Variants in ALK observed in about 807,000 individuals in gnomAD.
ALK encodes ALK tyrosine kinase receptor.
ALK carries 74 observed loss-of-function variants against 163.1 expected under a neutral mutation model. The observed-to-expected ratio is 0.45, with a 90% CI of 0.38 to 0.55. The LOEUF is 0.55. ALK is among the 20% of genes least tolerant of loss of function. The pLI is 0.00. For missense variants in ALK, 2,063 were observed against 2,105.3 expected (o/e 0.98, Z 0.39); for synonymous variants, 960 against 843.2 (o/e 1.14, Z -2.40).
At position 29,344,508 on chromosome 2, in the gene ALK, G is replaced by A. The variant is rs148304657; in HGVS notation, c.1283-16027C>T. On this transcript the variant is annotated intron_variant, in intron 5 of 28. Coordinates refer to ENST00000389048, the MANE Select transcript of ALK (RefSeq NM_004304.5). The stretch of plus-strand genomic sequence containing the variant: ...AGAGGTCAGGTGTAGGCACTCTGGC[G>A]ATAGTCCCAGTTGAGCTCAGCCCTC... Among the ~76,000 whole-genome samples the A allele has an allele frequency of 2.7e-4, 41 of 152,278 alleles. No individual in the cohort carries two copies. The East Asian group carries it at 7.0e-3, about 26-fold the overall frequency.
intron 3 of ALK, among the ~76,000 whole-genome samples, chr2:29,617,817 T>C (rs970619795): frequency 1.4e-4 from 22 of 152,200 alleles, no homozygotes; most frequent in African/African-American, 5.3e-4. Flanking sequence ...GAATAACTTC[T>C]CTAACAGTAT....
At chr2:29,896,578 A>ACC (rs1667276048) in intron 1 of ALK, among the ~76,000 whole-genome samples, 1 of 78,582 alleles carries the variant, frequency 1.3e-5, no homozygotes, top group African/African-American at 3.5e-5. Context: ...CTCAGGAGAA[A>ACC]CCCACCTGTG....
chr2:29,193,865 C>T lies in ALK; in HGVS notation c.4222G>A (p.Glu1408Lys), dbSNP rs145600484. ...PIEYGPLVEE[E>K]EKVPVRPKDP... ...TTGGGCCTCACAGGCACTTTCTCTTCCTCTTCCACAAGTGGACCATATTCT... is the reference window on the plus strand; with the variant it reads ...TTGGGCCTCACAGGCACTTTCTCTTTCTCTTCCACAAGTGGACCATATTCT... The change falls in exon 29 of 29, where the codon GAA (glutamate) becomes AAA (lysine). Residue 1408 changes from glutamate (E) to lysine (K), a missense_variant. Coordinates refer to ENST00000389048, the MANE Select transcript of ALK (RefSeq NM_004304.5). 1.1e-5 allele frequency: 18 copies of T among 1,613,840 alleles called. No individual in the cohort carries two copies. The highest frequency in any genetic ancestry group is 1.5e-5 in the Non-Finnish European group (18 of 1,179,956).
At chr2:29,631,380 T>A (rs557434546) in intron 3 of ALK, among the ~76,000 whole-genome samples, 60 of 152,342 alleles carry the variant, frequency 3.9e-4, no homozygotes, top group East Asian at 3.9e-3. Flanking sequence ...AGGGGAATCT[T>A]GCTGACATGG....
intron 7 of ALK, among the ~76,000 whole-genome samples, chr2:29,319,484 T>A (rs1004210156): frequency 6.6e-6 from 1 of 152,142 alleles, no homozygotes; most frequent in Non-Finnish European, 1.5e-5. Context: ...CGGGTCACAA[T>A]TGTTCCCTTC....
chr2:29,827,213 T>C (rs567672343), intron 1 of ALK, among the ~76,000 whole-genome samples: 10 of 152,148 alleles, frequency 6.6e-5, no homozygotes, highest in Non-Finnish European at 1.2e-4. Flanking sequence ...CCAGAAAAAT[T>C]AGAATATCAG....
chr2:29,866,974 T>G (rs1168689878), intron 1 of ALK, among the ~76,000 whole-genome samples: 1 of 152,174 alleles, frequency 6.6e-6, no homozygotes, highest in Non-Finnish European at 1.5e-5. Flanking sequence ...AGTTTTAACC[T>G]TTTGGCTGAA....
chr2:29,318,200 A>G, intron 8 of ALK, 104 bp downstream of exon 8: 1 of 921,266 alleles, frequency 1.1e-6, no homozygotes, highest in East Asian at 2.5e-5. Flanking sequence ...TCTCCCCAGG[A>G]GAACGACCAG....
chr2:29,920,993 A>G lies in ALK; in HGVS notation c.-334T>C, dbSNP rs891464370. The G allele has an allele frequency of 5.7e-6, 2 of 352,106 alleles. No homozygotes were observed. The highest frequency in any genetic ancestry group is 1.0e-5 in the Non-Finnish European group (2 of 192,738). The allele number at this position is 352,106 out of a possible 1,614,324, so 21.8% of individuals were successfully genotyped here. On this transcript the variant is annotated 5_prime_UTR_variant, in exon 1 of 29. Coordinates refer to ENST00000389048, the MANE Select transcript of ALK (RefSeq NM_004304.5). ...CTGCGCTCGGTACAGAGGAACTACTATGGTTGAAGGGAGGTGGCAGTTGGG... is the reference window on the plus strand; with the variant it reads ...CTGCGCTCGGTACAGAGGAACTACTGTGGTTGAAGGGAGGTGGCAGTTGGG...
intron 1 of ALK, among the ~76,000 whole-genome samples, chr2:29,853,541 T>C (rs1005113235): frequency 1.3e-5 from 2 of 152,168 alleles, no homozygotes; most frequent in African/African-American, 4.8e-5. Flanking sequence ...GCTCATCTGG[T>C]CTTCTACGGC....
At chr2:29,658,374 A>G (rs1190225797) in intron 3 of ALK, among the ~76,000 whole-genome samples, 1 of 152,126 alleles carries the variant, frequency 6.6e-6, no homozygotes, top group Non-Finnish European at 1.5e-5. Flanking sequence ...CCTGCATGGA[A>G]AGCTGGGCTT....
chr2:29,869,638 A>G (rs1413679594), intron 1 of ALK, among the ~76,000 whole-genome samples: 3 of 152,188 alleles, frequency 2.0e-5, no homozygotes, highest in African/African-American at 7.2e-5. Flanking sequence ...AAATCAAATA[A>G]TGAGGAAGAA....
intron 3 of ALK, among the ~76,000 whole-genome samples, chr2:29,600,385 A>C (rs2148213922): frequency 6.6e-6 from 1 of 152,356 alleles, no homozygotes; most frequent in South Asian, 2.1e-4. Flanking sequence ...ATGGAAAAGA[A>C]TAGGTGATTA....
chr2:29,541,505 GGTCTTGAACTCCTGACCT>G, intron 3 of ALK, among the ~76,000 whole-genome samples: 1 of 152,120 alleles, frequency 6.6e-6, no homozygotes, highest in East Asian at 1.9e-4. Context: ...TGAACAGGCT[GGTCTTGAACTCCTGACCT>G]CAAGTGATCC....
chr2:29,280,559 A>G (rs1032669250), intron 9 of ALK, among the ~76,000 whole-genome samples: 1 of 147,536 alleles, frequency 6.8e-6, no homozygotes, highest in Admixed American at 6.8e-5. Flanking sequence ...AGGTTGTGGT[A>G]TATACAGATG....
chr2:29,664,410 C>CA (rs1677443259), intron 3 of ALK, among the ~76,000 whole-genome samples: 1 of 152,120 alleles, frequency 6.6e-6, no homozygotes, highest in African/African-American at 2.4e-5. Context: ...ACCTCAGACT[C>CA]ACAGCCTTTT....
Position 29,228,922 on chromosome 2 carries a change from C to CCA in ALK, c.2776_2777insTG (p.Gly926ValfsTer14). ...GCCTCCTCCACCTGAGGAGCACCCC[C>CCA]CTCCACCCCCTCCGAAACCCCCTCT... On this transcript the variant is annotated frameshift_variant, in exon 16 of 29. Transcript: ENST00000389048. LOFTEE classifies it high-confidence loss of function. The CCA allele has an allele frequency of 2.7e-6, 4 of 1,501,362 alleles. No individual in the cohort carries two copies. Among genetic ancestry groups the CCA allele is most frequent in the Non-Finnish European group, 3.7e-6 (4 of 1,079,398 alleles). The allele number at this position is 1,501,362 out of a possible 1,614,324, so 93.0% of individuals were successfully genotyped here. A position where few individuals can be genotyped will look rare whatever the true frequency, so the allele number is the denominator to read the frequency against.
chr2:29,781,564 G>A (rs1017998158), intron 1 of ALK, among the ~76,000 whole-genome samples: 2 of 152,198 alleles, frequency 1.3e-5, no homozygotes, highest in Non-Finnish European at 2.9e-5. Context: ...TACAATGTGC[G>A]AAGCAAACAA....
At chr2:29,906,846 T>C (rs1231973936) in intron 1 of ALK, among the ~76,000 whole-genome samples, 1 of 151,740 alleles carries the variant, frequency 6.6e-6, no homozygotes, top group Non-Finnish European at 1.5e-5. Context: ...CACTATTAAA[T>C]ATTTTCCCAA....
Sources: allele counts gnomAD v4.1 joint callset (sites outside exome capture counted in the v4.1 genomes callset), GRCh38; gene constraint gnomAD v4.1.1; transcripts MANE v1.5; gene names NCBI Gene and HGNC (gene_info 2026-07-23, HGNC 2026-07-21).